Variants in MYO10 observed in about 807,000 individuals in gnomAD.
MYO10 encodes unconventional myosin-X.
A neutral mutation model predicts 257.3 loss-of-function variants in MYO10; 133 were observed. That is an observed-to-expected ratio of 0.52 (90% confidence interval 0.45 to 0.60). The LOEUF (loss-of-function observed/expected upper bound fraction) is 0.60. Among genes scored for constraint, MYO10 ranks in the 20% least tolerant of loss-of-function variants. The pLI is 0.00. For missense variants in MYO10, 2,399 were observed against 2,635.7 expected, an observed-to-expected ratio of 0.91 and a Z score of 1.97; for synonymous variants, 1,104 against 1,028.6, an observed-to-expected ratio of 1.07 and a Z score of -1.40.
At chr5:16,668,851 T>C (rs755791083) in intron 39 of MYO10, among the ~76,000 whole-genome samples, 1 of 152,178 alleles carries the variant, frequency 6.6e-6, no homozygotes, top group Non-Finnish European at 1.5e-5. Flanking sequence ...CTTGTATTAA[T>C]ATCTCCAGTT....
At chr5:16,671,275 G>T (rs544174889) in intron 38 of MYO10, 147 bp downstream of exon 38, 10 of 1,053,706 alleles carry the variant, frequency 9.5e-6, no homozygotes, top group Non-Finnish European at 1.2e-5. Flanking sequence ...TTCTACAAAC[G>T]AATGAAAGAG....
intron 39 of MYO10, among the ~76,000 whole-genome samples, chr5:16,669,079 G>A (rs957493988): frequency 1.4e-4 from 21 of 151,980 alleles, no homozygotes; most frequent in African/African-American, 5.1e-4. Context: ...CCATATGAAG[G>A]GGCTAACAAC....
intron 4 of MYO10, among the ~76,000 whole-genome samples, chr5:16,787,885 C>T (rs967012299): frequency 6.6e-6 from 1 of 152,128 alleles, no homozygotes; most frequent in African/African-American, 2.4e-5. Flanking sequence ...GCAACCACCA[C>T]CTCCCCAGGT....
chr5:16,855,586 T>G (rs1313507838), intron 2 of MYO10, among the ~76,000 whole-genome samples: 4 of 152,234 alleles, frequency 2.6e-5, no homozygotes, highest in Non-Finnish European at 5.9e-5. Flanking sequence ...GAAATTAGGT[T>G]AATCGGACAG....
chr5:16,738,644 G>T (rs1244897125), intron 19 of MYO10, among the ~76,000 whole-genome samples: 1 of 152,050 alleles, frequency 6.6e-6, no homozygotes, highest in Non-Finnish European at 1.5e-5. Flanking sequence ...TGTAATCCCA[G>T]AACTTTGGTA....
intron 1 of MYO10, 96 bp from the exon 2 acceptor site, chr5:16,877,803 A>G: frequency 2.3e-6 from 2 of 877,540 alleles, no homozygotes; most frequent in Non-Finnish European, 3.5e-6. Context: ...ATTCCTTTAA[A>G]AAAAATCTTC....
intron 39 of MYO10, among the ~76,000 whole-genome samples, chr5:16,668,696 A>G (rs1736294176): frequency 6.6e-6 from 1 of 152,228 alleles, no homozygotes; most frequent in African/African-American, 2.4e-5. Context: ...ACTAACTGGC[A>G]GAGTCTAACA....
At chr5:16,686,940 A>G (rs749349155) in intron 28 of MYO10, among the ~76,000 whole-genome samples, 3 of 152,186 alleles carry the variant, frequency 2.0e-5, no homozygotes, top group Non-Finnish European at 2.9e-5. Flanking sequence ...TAACTGTTTT[A>G]AAGTAGAAAA....
At chr5:16,850,263 C>CTTAT (rs1303092296) in intron 2 of MYO10, among the ~76,000 whole-genome samples, 1 of 152,146 alleles carries the variant, frequency 6.6e-6, no homozygotes, top group Admixed American at 6.6e-5. Flanking sequence ...CCTCCAGTTG[C>CTTAT]TTATTTATTT....
At chr5:16,848,721 G>C (rs1580070605) in intron 2 of MYO10, among the ~76,000 whole-genome samples, 1 of 151,246 alleles carries the variant, frequency 6.6e-6, no homozygotes, top group African/African-American at 2.5e-5. Flanking sequence ...CAATTCAAGA[G>C]GCTAGTTTGT....
intron 1 of MYO10, among the ~76,000 whole-genome samples, chr5:16,904,747 G>A (rs1281713700): frequency 6.6e-6 from 1 of 152,082 alleles, no homozygotes; most frequent in Non-Finnish European, 1.5e-5. Flanking sequence ...GGCTAACACG[G>A]TGAAACCCCG....
chr5:16,831,677 T>C (rs1225307452), intron 2 of MYO10, among the ~76,000 whole-genome samples: 1 of 151,976 alleles, frequency 6.6e-6, no homozygotes, highest in East Asian at 1.9e-4. Context: ...GCTATGAGGA[T>C]GCAAAGGCGT....
chr5:16,815,736 G>A (rs1481026941), intron 3 of MYO10, among the ~76,000 whole-genome samples: 2 of 152,180 alleles, frequency 1.3e-5, no homozygotes, highest in African/African-American at 4.8e-5. Context: ...TACCTATGCA[G>A]TGGTATTCTA....
intron 3 of MYO10, among the ~76,000 whole-genome samples, chr5:16,802,739 A>T (rs1332713666): frequency 6.6e-6 from 1 of 152,040 alleles, no homozygotes; most frequent in Non-Finnish European, 1.5e-5. Flanking sequence ...GAATACATTA[A>T]TCTCTAAGTA....
intron 2 of MYO10, among the ~76,000 whole-genome samples, chr5:16,867,850 T>C (rs1439870204): frequency 2.6e-5 from 4 of 152,214 alleles, no homozygotes; most frequent in African/African-American, 9.6e-5. Flanking sequence ...TTAGTTATCC[T>C]TGTTGCAAAT....
intron 1 of MYO10, among the ~76,000 whole-genome samples, chr5:16,904,800 G>A (rs2126787496): frequency 6.6e-6 from 1 of 152,200 alleles, no homozygotes; most frequent in Non-Finnish European, 1.5e-5. Flanking sequence ...GTGGTAGCGG[G>A]CACCTGCAGT....
chr5:16,901,057 A>G (rs970412968), intron 1 of MYO10, among the ~76,000 whole-genome samples: 1 of 152,086 alleles, frequency 6.6e-6, no homozygotes, highest in South Asian at 2.1e-4. Context: ...TTTTATTCTA[A>G]CAAAATTCCT....
intron 4 of MYO10, among the ~76,000 whole-genome samples, chr5:16,792,221 A>G (rs926731537): frequency 7.2e-6 from 1 of 138,410 alleles, no homozygotes; most frequent in African/African-American, 2.5e-5. Flanking sequence ...TATACATGTA[A>G]TCCCCATTTG....
At chr5:16,915,558 C>A (rs1008344533) in intron 1 of MYO10, among the ~76,000 whole-genome samples, 3 of 152,174 alleles carry the variant, frequency 2.0e-5, no homozygotes, top group Non-Finnish European at 2.9e-5. Flanking sequence ...CCAGTACAAC[C>A]ACAGCAATGG....
Sources: gnomAD v4.1 joint callset for allele counts (sites outside exome capture counted in the v4.1 genomes callset) on GRCh38, gnomAD v4.1.1 for gene constraint, MANE v1.5 for transcripts, NCBI Gene and HGNC (gene_info 2026-07-23, HGNC 2026-07-21) for gene names.